The following CREM variants were observed in gnomAD, a reference collection of about 807,000 sequenced individuals.
CREM encodes cAMP-responsive element modulator.
A neutral mutation model predicts 37.3 loss-of-function variants in CREM; 13 were observed. The ratio of observed to expected loss-of-function variants is 0.35; its 90% CI spans 0.23 to 0.55. The LOEUF is 0.55. CREM is among the 20% of genes least tolerant of loss of function. The probability of loss-of-function intolerance (pLI) is 0.88; values close to 1 mark genes in which losing one functional copy is unlikely to be tolerated. For missense variants in CREM, 296 were observed against 362.3 expected (o/e 0.82, Z 1.49); for synonymous variants, 124 against 120.2 (o/e 1.03, Z -0.21).
intron 3 of CREM, among the ~76,000 whole-genome samples, chr10:35,151,583 A>G (rs947906126): frequency 2.6e-5 from 4 of 152,210 alleles, no homozygotes; most frequent in African/African-American, 9.7e-5. Flanking sequence ...CATGTTGGCC[A>G]GGCTGGTTTT....
intron 7 of CREM, among the ~76,000 whole-genome samples, chr10:35,208,429 G>T (rs1008040743): frequency 6.6e-6 from 1 of 151,874 alleles, no homozygotes; most frequent in Admixed American, 6.6e-5. Context: ...TTATTTATTG[G>T]TTTAGTTTTT....
intron 3 of CREM, among the ~76,000 whole-genome samples, chr10:35,157,595 C>G (rs1196152251): frequency 4.0e-5 from 6 of 150,868 alleles, no homozygotes; most frequent in Non-Finnish European, 1.5e-5. Context: ...AAGATCATGC[C>G]CCTGCACTCC....
At chr10:35,166,309 T>C (rs2093551938) in intron 3 of CREM, among the ~76,000 whole-genome samples, 2 of 152,128 alleles carry the variant, frequency 1.3e-5, no homozygotes, top group South Asian at 2.1e-4. Context: ...ACACCTGTTA[T>C]CTCAGCACTT....
Position 35,137,776 on chromosome 10 carries a change from C to T in CREM, c.-54-6C>T. 1 of 1,324,804 alleles carries T rather than the reference C, an allele frequency of 7.5e-7. No individual in the cohort carries two copies. The highest frequency in any genetic ancestry group is 1.0e-6 in the Non-Finnish European group (1 of 966,540). The allele number at this position is 1,324,804 out of a possible 1,614,324, so 82.1% of individuals were successfully genotyped here. On this transcript the variant is annotated splice_polypyrimidine_tract_variant and splice_region_variant and intron_variant, in intron 1 of 7. Coordinates refer to ENST00000685392, the MANE Select transcript of CREM (RefSeq NM_183011.2). Reference sequence around the variant, plus strand: ...CTCCCAATTCAACATTATAATTTTACTGCAGGATAAATAAAGAAAACAGGA... The same window carrying T: ...CTCCCAATTCAACATTATAATTTTATTGCAGGATAAATAAAGAAAACAGGA...
chr10:35,188,027 A>G (rs533542714), intron 5 of CREM, among the ~76,000 whole-genome samples, 173 bp from the exon 6 acceptor site: 1 of 152,254 alleles, frequency 6.6e-6, no homozygotes, highest in African/African-American at 2.4e-5. Flanking sequence ...AGCTTTTCCT[A>G]GAGTATCGTC....
At chr10:35,149,533 T>A (rs2092420036) in intron 3 of CREM, among the ~76,000 whole-genome samples, 1 of 152,136 alleles carries the variant, frequency 6.6e-6, no homozygotes. Context: ...GAATTGAAAG[T>A]CAGTGAGTCG....
chr10:35,168,224 A>T (rs1276102657), intron 3 of CREM, among the ~76,000 whole-genome samples: 1 of 152,170 alleles, frequency 6.6e-6, no homozygotes, highest in African/African-American at 2.4e-5. Flanking sequence ...CAACAGTGTA[A>T]AAGTGTTCCT....
At chr10:35,194,623 A>G (rs2095069235) in intron 6 of CREM, among the ~76,000 whole-genome samples, 1 of 152,132 alleles carries the variant, frequency 6.6e-6, no homozygotes, top group South Asian at 2.1e-4. Context: ...GGATTTTTTG[A>G]TGGTGTAGCA....
chr10:35,145,776 C>CAAAAAA (rs370248344), intron 2 of CREM, among the ~76,000 whole-genome samples: 24 of 85,208 alleles, frequency 2.8e-4, no homozygotes, highest in Middle Eastern at 0.014. Context: ...GACTCTGCCT[C>CAAAAAA]AAAAAAAAAA....
chr10:35,178,725 T>G, intron 3 of CREM, 164 bp from the exon 4 acceptor site: 1 of 533,510 alleles, frequency 1.9e-6, no homozygotes, highest in Non-Finnish European at 3.3e-6. Flanking sequence ...GCGCTTCCTT[T>G]CTTGAGCCAG....
rs202009348 is a variant in CREM, at chr10:35,197,416, C to CTTTATTTATTTA, written c.598+9068_598+9079dup. ...GAGTAATAAATTTTATTTCATTTTA[C>CTTTATTTATTTA]TTTATTTATTTATTTATTTATTTAT... On this transcript the variant is annotated intron_variant, in intron 6 of 7. Transcript: ENST00000685392. Among the ~76,000 whole-genome samples the CTTTATTTATTTA allele has an allele frequency of 7.0e-4, 100 of 142,794 alleles. 1 individual carries two copies. The highest frequency in any genetic ancestry group is 1.1e-3 in the Non-Finnish European group (73 of 65,536). The allele number at this position is 142,794 out of a possible 152,430, so 93.7% of individuals were successfully genotyped here. A position where few individuals can be genotyped will look rare whatever the true frequency, so the allele number is the denominator to read the frequency against.
intron 3 of CREM, among the ~76,000 whole-genome samples, chr10:35,160,024 T>TC (rs755836088): frequency 6.6e-5 from 10 of 152,132 alleles, no homozygotes; most frequent in Non-Finnish European, 1.3e-4. Context: ...CTTTTTTTTT[T>TC]CCCTTATGAT....
chr10:35,131,562 C>T (rs1265702750), intron 1 of CREM, among the ~76,000 whole-genome samples: 1 of 152,080 alleles, frequency 6.6e-6, no homozygotes, highest in Non-Finnish European at 1.5e-5. Context: ...CACATAAAGA[C>T]CCACATTACT....
chr10:35,201,241 A>G (rs2095374040), intron 6 of CREM, among the ~76,000 whole-genome samples: 1 of 152,296 alleles, frequency 6.6e-6, no homozygotes, highest in Admixed American at 6.5e-5. Context: ...CCAGGGGGAA[A>G]TGTATTTATG....
At chr10:35,165,802 T>C (rs983516306) in intron 3 of CREM, among the ~76,000 whole-genome samples, 7 of 151,878 alleles carry the variant, frequency 4.6e-5, no homozygotes, top group Non-Finnish European at 8.8e-5. Context: ...TCCAAGATAC[T>C]GTACAGATTA....
At chr10:35,143,013 A>G (rs1174584133) in intron 2 of CREM, among the ~76,000 whole-genome samples, 2 of 152,128 alleles carry the variant, frequency 1.3e-5, no homozygotes, top group African/African-American at 4.8e-5. Context: ...GGTACTTACT[A>G]AGAATATACA....
Position 35,197,845 on chromosome 10 carries a change from C to G in CREM, c.599-9050C>G, listed in dbSNP as rs548206391. 3.1e-3 allele frequency among the ~76,000 whole-genome samples: 469 copies of G among 152,246 alleles called. 1 individual carries two copies. Among genetic ancestry groups the G allele is most frequent in the Non-Finnish European group, 5.1e-3 (344 of 68,020 alleles). ...AGTAGAGTAGCTTTAGGAACCAGAC[C>G]TCTGGGCTCTCAGTTCTGAGGTAAC... On this transcript the variant is annotated intron_variant, in intron 6 of 7. Coordinates refer to ENST00000685392, the MANE Select transcript of CREM (RefSeq NM_183011.2).
At chr10:35,161,007 T>C (rs1349188441) in intron 3 of CREM, among the ~76,000 whole-genome samples, 1 of 152,244 alleles carries the variant, frequency 6.6e-6, no homozygotes, top group Non-Finnish European at 1.5e-5. Context: ...TGCCTGAGGC[T>C]GTTTTACAGT....
At chr10:35,194,097 CAAAAAA>C (rs371978117) in intron 6 of CREM, among the ~76,000 whole-genome samples, 22 of 25,062 alleles carry the variant, frequency 8.8e-4, no homozygotes, top group Admixed American at 2.6e-3. Flanking sequence ...GACTTCATCT[CAAAAAA>C]AAAAAAAAAA....
Sources: gnomAD v4.1 joint callset for allele counts (sites outside exome capture counted in the v4.1 genomes callset) on GRCh38, gnomAD v4.1.1 for gene constraint, MANE v1.5 for transcripts, NCBI Gene and HGNC (gene_info 2026-07-23, HGNC 2026-07-21) for gene names.